NSD1: variants seen among roughly 807,000 people sequenced by gnomAD.
The protein encoded by NSD1 is nuclear receptor binding SET domain protein 1, also known as histone-lysine N-methyltransferase, H3 lysine-36 specific.
NSD1 carries 26 observed loss-of-function variants against 242.7 expected under a neutral mutation model. The observed-to-expected ratio is 0.11, with a 90% CI of 0.08 to 0.15. The LOEUF is 0.15. NSD1 is among the 10% of genes least tolerant of loss of function. The probability of loss-of-function intolerance (pLI) is 1.00; values close to 1 mark genes in which losing one functional copy is unlikely to be tolerated. For missense variants in NSD1, 2,495 were observed against 3,272.8 expected (o/e 0.76, Z 5.80); for synonymous variants, 1,106 against 1,178.1 (o/e 0.94, Z 1.25).
rs755585241 is a variant in NSD1, at chr5:177,294,564, A to C, written c.7196A>C (p.Lys2399Thr). The change falls in exon 23 of 23, where the codon AAA becomes ACA. Residue 2399 changes from lysine to threonine, a missense_variant. By Grantham distance (78) the Lys-to-Thr change is moderately conservative. Transcript: ENST00000439151. ...PDRLLITSSP[K>T]PQTSDRPTDK... is the part of the protein sequence containing the mutation. ...AGACTGCTCATTACTAGCAGTCCCA[A>C]ACCCCAGACTTCAGACAGGCCTACT... 12 of 1,614,180 alleles carry C rather than the reference A, an allele frequency of 7.4e-6. No individual in the cohort carries two copies. In the Admixed American group the frequency reaches 2.0e-4, roughly 27 times the overall value.
chr5:177,152,476 C>CT (rs35553344), intron 2 of NSD1, among the ~76,000 whole-genome samples: 1,302 of 110,496 alleles, frequency 0.012, 35 homozygotes, highest in African/African-American at 0.019. Flanking sequence ...TCAAGCGATT[C>CT]TTTTTTTTTT....
intron 3 of NSD1, among the ~76,000 whole-genome samples, chr5:177,200,331 A>G (rs1456681073): frequency 6.6e-6 from 1 of 150,612 alleles, no homozygotes; most frequent in African/African-American, 2.4e-5. Context: ...CCGTTCTTGA[A>G]CTCCTGACCT....
rs1758817734 is a variant in NSD1 at position 177,162,246 on chromosome 5, T to G, written c.927+26216T>G. Among the ~76,000 whole-genome samples the G allele has an allele frequency of 4.0e-5, 6 of 151,014 alleles. 1 individual carries two copies. In the South Asian group the frequency reaches 1.3e-3, roughly 32 times the overall value. ...CCGGGAGGTGGAGGTTGCAGTGAGC[T>G]GAGATCAGGACACTGCCCTCCAGGT... On this transcript the variant is annotated intron_variant, in intron 2 of 22. Coordinates refer to ENST00000439151, the MANE Select transcript of NSD1 (RefSeq NM_022455.5).
intron 2 of NSD1, among the ~76,000 whole-genome samples, chr5:177,153,700 T>C (rs907123718): frequency 5.9e-5 from 9 of 152,198 alleles, no homozygotes; most frequent in African/African-American, 1.9e-4. Flanking sequence ...TCAAAGCTTA[T>C]TGTGCTTCTA....
At chr5:177,144,807 C>T (rs114776815) in intron 2 of NSD1, among the ~76,000 whole-genome samples, 3,868 of 152,082 alleles carry the variant, frequency 0.025, 50 homozygotes, top group African/African-American at 0.029. Flanking sequence ...CTTGGCCGGG[C>T]GCGGTGGTTC....
chr5:177,297,514 G>T lies in NSD1; in HGVS notation c.*2055G>T, dbSNP rs181780964. 8.7e-4 allele frequency: 202 copies of T among 232,272 alleles called. 2 individuals are homozygous for T. In the Admixed American group the frequency reaches 9.9e-3, roughly 11 times the overall value. 14.4% of individuals were successfully genotyped at this position (232,272 alleles called of 1,614,324 possible). A position where few individuals can be genotyped will look rare whatever the true frequency, so the allele number is the denominator to read the frequency against. ...TAGGTCATATGAGTAGGGTTTGCTT[G>T]GTGCCAGTCCTGTGCCCTTTTCTCT... is the stretch of plus-strand genomic sequence containing the variant. On this transcript the variant is annotated 3_prime_UTR_variant, in exon 23 of 23. Transcript: ENST00000439151.
chr5:177,189,367 C>T (rs1006087133), intron 2 of NSD1, among the ~76,000 whole-genome samples: 89 of 152,258 alleles, frequency 5.8e-4, no homozygotes, highest in Admixed American at 2.0e-3. Context: ...ATTCTTTCTC[C>T]TCTGTCTATT....
In NSD1 at chr5:177,239,684, T is replaced by C. The variant is rs1581411192; in HGVS notation, c.4193-72T>C. The C allele has an allele frequency of 3.5e-6, 3 of 846,088 alleles. No homozygotes were observed. In the East Asian group the frequency reaches 7.4e-5, roughly 21 times the overall value. The allele number at this position is 846,088 out of a possible 1,614,324, so 52.4% of individuals were successfully genotyped here. On this transcript the variant is annotated intron_variant, in intron 7 of 22. Transcript: ENST00000439151. ...AAACATTGAGATTCATTTTGTGTGG[T>C]ATACAGATTTTTTAAAAATTAACTT...
intron 5 of NSD1, among the ~76,000 whole-genome samples, chr5:177,224,906 G>T (rs762566868): frequency 1.5e-4 from 23 of 151,738 alleles, no homozygotes; most frequent in Non-Finnish European, 1.5e-5. Flanking sequence ...CTATTGAGAA[G>T]ACAATTTTGC....
intron 4 of NSD1, among the ~76,000 whole-genome samples, chr5:177,205,466 T>C (rs1762801867): frequency 1.3e-5 from 2 of 151,868 alleles, no homozygotes; most frequent in African/African-American, 4.8e-5. Flanking sequence ...TTATGTTAAA[T>C]TTGGCTGAGA....
At chr5:177,282,663 A>G (rs1292738370) in intron 19 of NSD1, 82 bp downstream of exon 19, 2 of 1,051,256 alleles carry the variant, frequency 1.9e-6, no homozygotes, top group African/African-American at 3.1e-5. Context: ...TAGGCATGTA[A>G]CGCAGTTCCC....
At chr5:177,191,842 ATT>A (rs2149821148) in intron 2 of NSD1, 40 bp from the exon 3 acceptor site, 2 of 1,608,110 alleles carry the variant, frequency 1.2e-6, no homozygotes, top group South Asian at 2.2e-5. Context: ...GTTTCAAAAT[ATT>A]TTGATTCTTA....
At chr5:177,288,697 A>G in intron 20 of NSD1, 122 bp from the exon 21 acceptor site, 1 of 741,422 alleles carries the variant, frequency 1.3e-6, no homozygotes, top group African/African-American at 1.8e-5. Flanking sequence ...AAAATATAGG[A>G]TTAGAGCTAA....
At chr5:177,192,416 G>A (rs1261462784) in intron 3 of NSD1, among the ~76,000 whole-genome samples, 1 of 151,662 alleles carries the variant, frequency 6.6e-6, no homozygotes, top group Non-Finnish European at 1.5e-5. Flanking sequence ...TTTTATTTGA[G>A]ATGGAGTTTT....
chr5:177,157,876 T>G (rs1172038652), intron 2 of NSD1, among the ~76,000 whole-genome samples: 1 of 152,230 alleles, frequency 6.6e-6, no homozygotes, highest in Non-Finnish European at 1.5e-5. Context: ...CTTTCGTGTC[T>G]GACTTGTTTA....
At chr5:177,257,337 TCTC>T (rs1211796575) in intron 13 of NSD1, among the ~76,000 whole-genome samples, 186 bp downstream of exon 13, 1 of 151,372 alleles carries the variant, frequency 6.6e-6, no homozygotes, top group Non-Finnish European at 1.5e-5. Context: ...TTCACGCCAT[TCTC>T]CTGCTTCAGC....
At chr5:177,283,079 A>G (rs192340530) in intron 19 of NSD1, among the ~76,000 whole-genome samples, 2,773 of 152,118 alleles carry the variant, frequency 0.018, 33 homozygotes, top group Non-Finnish European at 0.028. Context: ...TCAGCCTCCC[A>G]AGTAGCTGGG....
intron 2 of NSD1, chr5:177,136,293 G>A (rs1756323544): frequency 8.0e-6 from 3 of 373,652 alleles, no homozygotes; most frequent in Non-Finnish European, 1.5e-5. Flanking sequence ...TTGAGTTCAG[G>A]TTTAATTTCT....
In NSD1 at chr5:177,135,710, G is replaced by A. The variant is rs376446386; in HGVS notation, c.607G>A (p.Val203Ile). 9 of 1,614,104 alleles carry A rather than the reference G, an allele frequency of 5.6e-6. No individual in the cohort carries two copies. Among genetic ancestry groups the A allele is most frequent in the African/African-American group, 1.3e-5 (1 of 74,936 alleles). ...TTATGAGACTAAATCAGAGAATGGT[G>A]TAAAAGTGGCCATGGGAAGTGAACA... ...CNYETKSENG[V>I]KVAMGSEQDS... Residue 203 changes from valine to isoleucine, a missense_variant, in exon 2 of 23, where the codon GTA becomes ATA. This residue lies in a region of NSD1 where 376 missense variants were observed against 367.4 expected (regional missense o/e 1.02). Coordinates refer to ENST00000439151, the MANE Select transcript of NSD1 (RefSeq NM_022455.5).
Sources: allele counts gnomAD v4.1 joint callset (sites outside exome capture counted in the v4.1 genomes callset), GRCh38; gene constraint gnomAD v4.1.1; regional missense constraint gnomAD v4.1.1; transcripts MANE v1.5; gene names NCBI Gene and HGNC (gene_info 2026-07-23, HGNC 2026-07-21).